The following GRM5 variants were observed in gnomAD, a reference collection of about 807,000 sequenced individuals.
The protein encoded by GRM5 is glutamate metabotropic receptor 5.
Under a neutral mutation model 83.1 loss-of-function variants are expected in GRM5, and 19 were observed. The observed-to-expected ratio is 0.23, with a 90% CI of 0.16 to 0.34. The LOEUF is 0.34. Ranked by LOEUF, GRM5 falls within the 10% of genes least tolerant of loss-of-function variation. GRM5 has a pLI of 1.00. For missense variants in GRM5, 1,160 were observed against 1,588.3 expected (o/e 0.73, Z 4.58); for synonymous variants, 675 against 633.6 (o/e 1.07, Z -0.98).
chr11:88,672,196 AT>A (rs1325451139), intron 3 of GRM5, among the ~76,000 whole-genome samples: 4 of 152,028 alleles, frequency 2.6e-5, no homozygotes, highest in Non-Finnish European at 4.4e-5. Flanking sequence ...TATTATCCAT[AT>A]TTAGGCTTAA....
intron 2 of GRM5, among the ~76,000 whole-genome samples, chr11:88,865,121 C>T (rs1356111053): frequency 6.6e-6 from 1 of 151,804 alleles, no homozygotes; most frequent in Non-Finnish European, 1.5e-5. Context: ...GTGAAAATGG[C>T]CATACTGCCC....
intron 3 of GRM5, among the ~76,000 whole-genome samples, chr11:88,751,072 C>CAAAAAAAAAAAAAAAAAAAAAAAAAAAAG (rs774458890): frequency 2.1e-5 from 1 of 47,366 alleles, no homozygotes; most frequent in Non-Finnish European, 3.6e-5. Context: ...TAGCAGAAGC[C>CAAAAAAAAAAAAAAAAAAAAAAAAAAAAG]AAAAAAAAAA....
intron 3 of GRM5, among the ~76,000 whole-genome samples, chr11:88,804,824 T>C (rs1479769420): frequency 7.9e-5 from 12 of 151,924 alleles, no homozygotes; most frequent in African/African-American, 2.7e-4. Context: ...TTCAGAAACA[T>C]AGGAGGGTGG....
chr11:88,507,552 C>T lies in GRM5; in HGVS notation c.*1040G>A, dbSNP rs1033053638. On this transcript the variant is annotated 3_prime_UTR_variant, in exon 10 of 10. Coordinates refer to ENST00000305447, the MANE Select transcript of GRM5 (RefSeq NM_001143831.3). The stretch of plus-strand genomic sequence containing the variant: ...GGACCACTCTTCCAGTGGTGGGACT[C>T]GAAAAGAACAAAGGAGCTCTTTGTG... The T allele has an allele frequency of 3.3e-5, 5 of 152,030 alleles. No homozygotes were observed. The highest frequency in any genetic ancestry group is 5.9e-5 in the Non-Finnish European group (4 of 67,998). The allele number at this position is 152,030 out of a possible 1,614,324, so 9.4% of individuals were successfully genotyped here.
intron 3 of GRM5, among the ~76,000 whole-genome samples, chr11:88,806,469 A>G (rs1943500296): frequency 6.6e-6 from 1 of 152,226 alleles, no homozygotes; most frequent in Admixed American, 6.5e-5. Context: ...CAATTTAATT[A>G]TTAACAAATG....
intron 3 of GRM5, among the ~76,000 whole-genome samples, chr11:88,670,749 G>A (rs765791101): frequency 5.3e-5 from 8 of 151,986 alleles, no homozygotes; most frequent in South Asian, 2.1e-4. Flanking sequence ...AAACCACTAC[G>A]AATAGCACTA....
intron 3 of GRM5, among the ~76,000 whole-genome samples, chr11:88,664,812 A>G (rs72639200): frequency 0.031 from 4,677 of 152,232 alleles, 187 homozygotes; most frequent in East Asian, 0.18. Flanking sequence ...GTATATAAGA[A>G]TATGTATATA....
At chr11:88,963,216 T>C (rs1470136566) in intron 2 of GRM5, among the ~76,000 whole-genome samples, 2 of 152,112 alleles carry the variant, frequency 1.3e-5, no homozygotes, top group African/African-American at 4.8e-5. Flanking sequence ...CAATGGGAAA[T>C]GGTAAAGCAG....
intron 2 of GRM5, among the ~76,000 whole-genome samples, chr11:88,864,701 A>G (rs1036568163): frequency 6.6e-6 from 1 of 151,940 alleles, no homozygotes; most frequent in Non-Finnish European, 1.5e-5. Context: ...AACTTCCAAT[A>G]CTATGTTAAA....
chr11:88,615,945 A>G (rs996873081), intron 4 of GRM5, among the ~76,000 whole-genome samples: 2 of 152,146 alleles, frequency 1.3e-5, no homozygotes, highest in Non-Finnish European at 2.9e-5. Context: ...CCTCTCAACT[A>G]TTAAGAGCAG....
chr11:88,558,410 C>G (rs1942675358), intron 8 of GRM5, among the ~76,000 whole-genome samples: 1 of 151,998 alleles, frequency 6.6e-6, no homozygotes, highest in African/African-American at 2.4e-5. Context: ...TTGTTATTAT[C>G]CAAAGTAAGC....
rs187844233 is a variant in GRM5, at chr11:89,042,546, C to A, written c.661+4666G>T. 2.6e-3 allele frequency among the ~76,000 whole-genome samples: 389 copies of A among 152,262 alleles called. 3 individuals are homozygous for A. Among genetic ancestry groups the A allele is most frequent in the African/African-American group, 8.9e-3 (368 of 41,552 alleles). On this transcript the variant is annotated intron_variant, in intron 2 of 9. Transcript: ENST00000305447. ...AGTAATTTATGTGTCTTTATTATTA[C>A]CATGATCATCCCAAAATTTGTTTTA...
At chr11:88,544,995 C>A (rs1942356718) in intron 8 of GRM5, among the ~76,000 whole-genome samples, 1 of 152,138 alleles carries the variant, frequency 6.6e-6, no homozygotes, top group Admixed American at 6.5e-5. Flanking sequence ...CTTTGGGAGA[C>A]AAAAAACTTC....
Position 88,540,030 on chromosome 11 carries a change from T to C in GRM5, c.2631-14626A>G, listed in dbSNP as rs16914182. Among the ~76,000 whole-genome samples, 1,083 of 152,302 alleles carry C rather than the reference T, an allele frequency of 7.1e-3. 16 individuals are homozygous for C. Among genetic ancestry groups the C allele is most frequent in the African/African-American group, 0.025 (1,039 of 41,558 alleles). ...CAAGCATCTAGGATAGGGCCTAGTA[T>C]AGAGCAGCAACTCAACAAGTGAAAT... On this transcript the variant is annotated intron_variant, in intron 8 of 9. Transcript: ENST00000305447.
At chr11:88,863,647 A>C (rs1365359635) in intron 2 of GRM5, among the ~76,000 whole-genome samples, 5 of 130,574 alleles carry the variant, frequency 3.8e-5, no homozygotes, top group African/African-American at 1.4e-4. Context: ...AATAGCCTAA[A>C]GAGCATAAAA....
At chr11:89,061,703 A>G (rs1941996904) in intron 1 of GRM5, among the ~76,000 whole-genome samples, 1 of 152,202 alleles carries the variant, frequency 6.6e-6, no homozygotes, top group South Asian at 2.1e-4. Context: ...ATAAAGTGAT[A>G]GTAAAGGCCT....
At chr11:89,020,910 T>C (rs574244292) in intron 2 of GRM5, among the ~76,000 whole-genome samples, 3 of 152,306 alleles carry the variant, frequency 2.0e-5, no homozygotes, top group Admixed American at 2.0e-4. Context: ...GATTAGTGCT[T>C]TCTAATGGTG....
At chr11:88,988,186 C>A (rs1472447949) in intron 2 of GRM5, among the ~76,000 whole-genome samples, 1 of 151,778 alleles carries the variant, frequency 6.6e-6, no homozygotes, top group African/African-American at 2.4e-5. Context: ...GAGCTGAAAA[C>A]CAAGGCTCGA....
intron 3 of GRM5, among the ~76,000 whole-genome samples, chr11:88,849,175 A>G (rs1944348331): frequency 6.6e-6 from 1 of 152,120 alleles, no homozygotes; most frequent in Non-Finnish European, 1.5e-5. Flanking sequence ...ACATATGTAT[A>G]TACACACACA....
Sources: allele counts gnomAD v4.1 joint callset (sites outside exome capture counted in the v4.1 genomes callset), GRCh38; gene constraint gnomAD v4.1.1; transcripts MANE v1.5; gene names NCBI Gene and HGNC (gene_info 2026-07-23, HGNC 2026-07-21).